Variants in NALF1 observed in about 807,000 individuals in gnomAD.
The protein encoded by NALF1 is family with sequence similarity 155 member A.
Under a neutral mutation model 48.4 loss-of-function variants are expected in NALF1, and 3 were observed. The observed-to-expected ratio is 0.06, with a 90% CI of 0.03 to 0.16. The LOEUF is 0.16. Ranked by LOEUF, NALF1 falls within the 10% of genes least tolerant of loss-of-function variation. The pLI, the probability that NALF1 is intolerant of heterozygous loss-of-function variation, is 1.00. For missense variants in NALF1, 526 were observed against 571.5 expected, an observed-to-expected ratio of 0.92 and a Z score of 0.81; for synonymous variants, 262 against 245.7, an observed-to-expected ratio of 1.07 and a Z score of -0.62.
intron 1 of NALF1, among the ~76,000 whole-genome samples, chr13:107,509,159 C>T (rs1008068014): frequency 3.3e-5 from 5 of 152,066 alleles, no homozygotes; most frequent in Non-Finnish European, 7.3e-5. Context: ...TGAGATTCTA[C>T]TGTTAGCTTA....
At chr13:107,850,658 T>G (rs1880285173) in intron 1 of NALF1, among the ~76,000 whole-genome samples, 1 of 152,182 alleles carries the variant, frequency 6.6e-6, no homozygotes, top group Non-Finnish European at 1.5e-5. Context: ...ATCCCAGCAC[T>G]TTGGGAGGCC....
At chr13:107,297,810 G>A (rs955853532) in intron 1 of NALF1, among the ~76,000 whole-genome samples, 1 of 152,158 alleles carries the variant, frequency 6.6e-6, no homozygotes, top group African/African-American at 2.4e-5. Flanking sequence ...ATGAATTACT[G>A]TTGAATAGAT....
rs566639035 is a variant in NALF1, at chr13:107,782,179, G to A, written c.915+83503C>T. On this transcript the variant is annotated intron_variant, in intron 1 of 2. Transcript: ENST00000375915. Reference sequence around the variant, plus strand: ...CCTGATTCTCCTGCCTCAGCCTGCCGAGTGCCTGCGATTGCAGGCGCGTGC... The same window carrying A: ...CCTGATTCTCCTGCCTCAGCCTGCCAAGTGCCTGCGATTGCAGGCGCGTGC... 1.2e-4 allele frequency among the ~76,000 whole-genome samples: 18 copies of A among 152,248 alleles called. No homozygotes were observed. The East Asian group carries it at 1.7e-3, about 15-fold the overall frequency.
intron 1 of NALF1, among the ~76,000 whole-genome samples, chr13:107,746,912 G>A (rs552117714): frequency 1.3e-5 from 2 of 152,276 alleles, no homozygotes; most frequent in African/African-American, 2.4e-5. Context: ...GAATAGAGAC[G>A]TAAATGTAAG....
At chr13:107,449,261 A>G (rs749344388) in intron 1 of NALF1, among the ~76,000 whole-genome samples, 21 of 152,122 alleles carry the variant, frequency 1.4e-4, no homozygotes, top group Non-Finnish European at 2.6e-4. Context: ...GAATAAAAAA[A>G]AAAGAACATC....
In NALF1 at chr13:107,799,780, G is replaced by A. The variant is rs78205949; in HGVS notation, c.915+65902C>T. Among the ~76,000 whole-genome samples the A allele has an allele frequency of 1.3e-3, 196 of 152,224 alleles. 1 individual carries two copies. The highest frequency in any genetic ancestry group is 4.1e-3 in the African/African-American group (172 of 41,552). On this transcript the variant is annotated intron_variant, in intron 1 of 2. Transcript: ENST00000375915. ...TGGATGAAAGCAAAAGAGCAACCTC[G>A]GGGTTCCAGATATTTTTCAGGTTCC...
At chr13:107,374,213 C>G (rs931853616) in intron 1 of NALF1, among the ~76,000 whole-genome samples, 1 of 152,166 alleles carries the variant, frequency 6.6e-6, no homozygotes, top group Non-Finnish European at 1.5e-5. Context: ...CAGTCACCAT[C>G]CCACAAACAC....
chr13:107,793,270 T>A (rs1806425654), intron 1 of NALF1, among the ~76,000 whole-genome samples: 1 of 152,172 alleles, frequency 6.6e-6, no homozygotes, highest in Admixed American at 6.5e-5. Flanking sequence ...GCAATGCCAT[T>A]AGAAGAAATA....
chr13:107,787,112 T>C (rs532169276), intron 1 of NALF1, among the ~76,000 whole-genome samples: 36 of 152,346 alleles, frequency 2.4e-4, no homozygotes, highest in African/African-American at 8.2e-4. Context: ...AGATCTATTA[T>C]GTACATCTAA....
chr13:107,525,620 G>C (rs528745217), intron 1 of NALF1, among the ~76,000 whole-genome samples: 66 of 152,064 alleles, frequency 4.3e-4, no homozygotes, highest in Non-Finnish European at 7.8e-4. Flanking sequence ...TGTCTGTCTG[G>C]GTAAATACTT....
intron 2 of NALF1, among the ~76,000 whole-genome samples, chr13:107,205,621 A>C (rs1879624476): frequency 6.6e-6 from 1 of 152,190 alleles, no homozygotes; most frequent in Non-Finnish European, 1.5e-5. Flanking sequence ...AAAAGAAAGA[A>C]AAAGAAAAAA....
At chr13:107,263,249 GAC>G (rs34637583) in intron 1 of NALF1, among the ~76,000 whole-genome samples, 37,167 of 138,122 alleles carry the variant, frequency 0.27, 5,042 homozygotes, top group East Asian at 0.42. Context: ...AATGCTAACA[GAC>G]ACACACACAC....
At chr13:107,358,359 A>G (rs1239455095) in intron 1 of NALF1, among the ~76,000 whole-genome samples, 1 of 152,210 alleles carries the variant, frequency 6.6e-6, no homozygotes, top group Non-Finnish European at 1.5e-5. Flanking sequence ...GATAACTGCT[A>G]CAAAAAGTAC....
intron 1 of NALF1, among the ~76,000 whole-genome samples, chr13:107,216,839 A>T (rs1879883248): frequency 6.6e-6 from 1 of 152,190 alleles, no homozygotes; most frequent in Non-Finnish European, 1.5e-5. Context: ...TTGGCCAATC[A>T]GGGTATGGCA....
At chr13:107,860,023 T>G (rs1390674603) in intron 1 of NALF1, among the ~76,000 whole-genome samples, 1 of 151,938 alleles carries the variant, frequency 6.6e-6, no homozygotes, top group Non-Finnish European at 1.5e-5. Flanking sequence ...AAAATTTAAA[T>G]TTAACTTTAT....
At chr13:107,773,107 G>C (rs184293263) in intron 1 of NALF1, among the ~76,000 whole-genome samples, 6 of 152,258 alleles carry the variant, frequency 3.9e-5, no homozygotes, top group Admixed American at 6.5e-5. Context: ...ATGTCATTAA[G>C]AAGATGAAAC....
At chr13:107,784,382 A>G (rs969917368) in intron 1 of NALF1, among the ~76,000 whole-genome samples, 3 of 152,206 alleles carry the variant, frequency 2.0e-5, no homozygotes, top group African/African-American at 7.2e-5. Flanking sequence ...CCTAGTTGTC[A>G]GTTCATAAAA....
chr13:107,546,872 G>A (rs1301078976), intron 1 of NALF1, among the ~76,000 whole-genome samples: 1 of 152,092 alleles, frequency 6.6e-6, no homozygotes, highest in Non-Finnish European at 1.5e-5. Flanking sequence ...GCCATTTTAT[G>A]GTATTGGAGG....
In NALF1 at chr13:107,311,563, GATATA is replaced by G. The variant is rs769101645; in HGVS notation, c.916-100813_916-100809del. Among the ~76,000 whole-genome samples, 108 of 150,346 alleles carry G rather than the reference GATATA, an allele frequency of 7.2e-4. 1 individual carries two copies. Among genetic ancestry groups the G allele is most frequent in the East Asian group, 3.1e-3 (16 of 5,158 alleles). On this transcript the variant is annotated intron_variant, in intron 1 of 2. Transcript: ENST00000375915. ...ATTTATTAAATTATATTTAATAAATGATATAATATAATAAAAATAATTAATGAGCT... is the reference window on the plus strand; with the variant it reads ...ATTTATTAAATTATATTTAATAAATGATATAATAAAAATAATTAATGAGCT...
Sources: allele counts gnomAD v4.1 joint callset (sites outside exome capture counted in the v4.1 genomes callset), GRCh38; gene constraint gnomAD v4.1.1; transcripts MANE v1.5; gene names NCBI Gene and HGNC (gene_info 2026-07-23, HGNC 2026-07-21).